Variants in NCOA7 observed in about 807,000 individuals in gnomAD.
NCOA7 encodes the protein nuclear receptor coactivator 7.
NCOA7 carries 45 observed loss-of-function variants against 104.3 expected under a neutral mutation model. That is an observed-to-expected ratio of 0.43 (90% confidence interval 0.34 to 0.55). The LOEUF is 0.55. Among genes scored for constraint, NCOA7 ranks in the 20% least tolerant of loss-of-function variants. NCOA7 has a pLI of 0.02. For missense variants in NCOA7, 1,041 were observed against 1,119.7 expected (o/e 0.93, Z 1.00); for synonymous variants, 398 against 402.3 (o/e 0.99, Z 0.13).
chr6:125,827,869 T>G (rs1778798719), intron 2 of NCOA7, among the ~76,000 whole-genome samples: 1 of 152,252 alleles, frequency 6.6e-6, no homozygotes, highest in Non-Finnish European at 1.5e-5. Flanking sequence ...AGGGCCTTCT[T>G]GGCCATGTTT....
At chr6:125,901,117 A>G (rs1192258312) in intron 10 of NCOA7, among the ~76,000 whole-genome samples, 1 of 152,198 alleles carries the variant, frequency 6.6e-6, no homozygotes, top group Non-Finnish European at 1.5e-5. Flanking sequence ...CTGCATGCAT[A>G]TGCGTTTCAG....
In NCOA7 at chr6:125,878,362, C is replaced by G; in HGVS notation, c.451C>G (p.Pro151Ala). Residue 151 changes from proline (P) to alanine (A), a missense_variant, in exon 5 of 16, where the codon CCA becomes GCA. Physicochemically the swap from Pro to Ala is conservative, Grantham distance 27. Coordinates refer to ENST00000392477, the MANE Select transcript of NCOA7 (RefSeq NM_181782.5). Reference protein sequence around the residue: ...LNKLFTHTIVPGQVLFVPDAN... With the variant: ...LNKLFTHTIVAGQVLFVPDAN... ...TAAACTTTTCACACATACTATTGTT[C>G]CAGGCCAGGTAATTATACTCTTACT... is the stretch of plus-strand genomic sequence containing the variant. 6.2e-7 allele frequency: 1 copy of G among 1,604,658 alleles called. No individual in the cohort carries two copies. The highest frequency in any genetic ancestry group is 2.2e-5 in the East Asian group (1 of 44,568).
rs1336467411 is a variant in NCOA7 at position 125,864,372 on chromosome 6, A to G, written c.271+9132A>G. Among the ~76,000 whole-genome samples, 2 of 138,028 alleles carry G rather than the reference A, an allele frequency of 1.4e-5. 1 individual carries two copies. Among genetic ancestry groups the G allele is most frequent in the African/African-American group, 6.1e-5 (2 of 33,036 alleles). The allele number at this position is 138,028 out of a possible 152,430, so 90.6% of individuals were successfully genotyped here. A position where few individuals can be genotyped will look rare whatever the true frequency, so the allele number is the denominator to read the frequency against. On this transcript the variant is annotated intron_variant, in intron 3 of 15. Transcript: ENST00000392477. ...TACATGCATATAAAAAGAGGTATAG[A>G]GAATTTCTAGAAGTGTATTCACCAG... is the stretch of plus-strand genomic sequence containing the variant.
At chr6:125,820,047 G>A (rs1583294271) in intron 2 of NCOA7, among the ~76,000 whole-genome samples, 1 of 152,258 alleles carries the variant, frequency 6.6e-6, no homozygotes, top group East Asian at 1.9e-4. Flanking sequence ...GTTCATGTAG[G>A]TCCCTTGTTG....
chr6:125,911,063 T>C (rs1786494989), intron 10 of NCOA7, among the ~76,000 whole-genome samples: 1 of 152,218 alleles, frequency 6.6e-6, no homozygotes, highest in Non-Finnish European at 1.5e-5. Context: ...ACCATCATTA[T>C]TGTATGGAGG....
intron 2 of NCOA7, among the ~76,000 whole-genome samples, chr6:125,843,262 A>T (rs958045089): frequency 6.6e-6 from 1 of 152,160 alleles, no homozygotes; most frequent in Non-Finnish European, 1.5e-5. Context: ...AAATGGAGGA[A>T]GGGGCTACCA....
At chr6:125,788,785 G>A (rs1315030332), upstream of NCOA7, among the ~76,000 whole-genome samples, 4 of 148,950 alleles carry the variant, frequency 2.7e-5, no homozygotes, top group Admixed American at 1.4e-4. Flanking sequence ...CTCGTGATCC[G>A]CCCGCCTCGG....
intron 1 of NCOA7, chr6:125,810,156 A>G (rs898147905): frequency 4.6e-5 from 7 of 152,080 alleles, no homozygotes; most frequent in Admixed American, 1.3e-4. Context: ...GTTAAGACAC[A>G]TGTACCTAGC....
chr6:125,827,043 C>A (rs1182423819), intron 2 of NCOA7, among the ~76,000 whole-genome samples: 1 of 151,894 alleles, frequency 6.6e-6, no homozygotes, highest in East Asian at 1.9e-4. Flanking sequence ...ACTAAAAATA[C>A]AAAATTAGCT....
chr6:125,797,824 G>A (rs1445857479), intron 1 of NCOA7: 2 of 152,076 alleles, frequency 1.3e-5, no homozygotes, highest in Non-Finnish European at 2.9e-5. Flanking sequence ...CTGTCTGTAG[G>A]GTCCCACTGA....
chr6:125,804,342 G>C (rs1583249286), intron 1 of NCOA7, among the ~76,000 whole-genome samples: 1 of 152,176 alleles, frequency 6.6e-6, no homozygotes, highest in East Asian at 1.9e-4. Context: ...GATCTGAAGT[G>C]ATCTTCTGGT....
chr6:125,917,322 A>G (rs1366663464), intron 11 of NCOA7, among the ~76,000 whole-genome samples: 1 of 151,864 alleles, frequency 6.6e-6, no homozygotes, highest in Non-Finnish European at 1.5e-5. Flanking sequence ...TGCTCCTCCT[A>G]CCTTTTCTGT....
At chr6:125,815,237 A>T in intron 1 of NCOA7, 54 bp from the exon 2 acceptor site, 1 of 632,956 alleles carries the variant, frequency 1.6e-6, no homozygotes, top group South Asian at 2.6e-5. Flanking sequence ...TATTTTTCAC[A>T]TTGGCCAGTG....
At chr6:125,782,161 A>G (rs1439047895) in intron 1 of NCOA7, among the ~76,000 whole-genome samples, 2 of 152,236 alleles carry the variant, frequency 1.3e-5, no homozygotes, top group Non-Finnish European at 2.9e-5. Context: ...TAAATAAAAT[A>G]TTAAACTTAA....
intron 1 of NCOA7, among the ~76,000 whole-genome samples, chr6:125,783,909 G>A (rs1274330186): frequency 1.3e-5 from 2 of 152,108 alleles, no homozygotes; most frequent in Non-Finnish European, 2.9e-5. Context: ...CAACTGCAGG[G>A]TAGGTATTCC....
Position 125,889,628 on chromosome 6 carries a change from A to G in NCOA7, c.1574A>G (p.Tyr525Cys), listed in dbSNP as rs1784487542. 1.2e-6 allele frequency: 2 copies of G among 1,613,956 alleles called. No individual in the cohort carries two copies. Among genetic ancestry groups the G allele is most frequent in the African/African-American group, 2.7e-5 (2 of 75,058 alleles). Reference protein sequence around the residue: ...EDLDKVKLIEYYLTKNKEGPQ... With the variant: ...EDLDKVKLIECYLTKNKEGPQ... The stretch of plus-strand genomic sequence containing the variant: ...TTAGATAAAGTTAAACTCATTGAAT[A>G]TTACCTGACTAAGAACAAAGAAGGG... Residue 525 changes from tyrosine (Y) to cysteine (C), a missense_variant, in exon 9 of 16, where the codon TAT (tyrosine) becomes TGT (cysteine). By Grantham distance (194) the Tyr-to-Cys change is radical. Transcript: ENST00000392477.
At chr6:125,846,420 A>G (rs1780624286) in intron 2 of NCOA7, among the ~76,000 whole-genome samples, 1 of 151,550 alleles carries the variant, frequency 6.6e-6, no homozygotes, top group South Asian at 2.1e-4. Flanking sequence ...CTTCTCCGCC[A>G]AGGGCAAACT....
intron 12 of NCOA7, 119 bp downstream of exon 12, chr6:125,921,187 ATC>A: frequency 2.4e-5 from 32 of 1,323,858 alleles, no homozygotes; most frequent in South Asian, 7.0e-5. Context: ...AGGCAGGCGG[ATC>A]ACTTGAGGTC....
At chr6:125,852,281 C>T (rs113304935) in intron 2 of NCOA7, among the ~76,000 whole-genome samples, 8 of 152,134 alleles carry the variant, frequency 5.3e-5, no homozygotes, top group African/African-American at 9.6e-5. Flanking sequence ...CTACAACCTC[C>T]GCCACCTGGG....
Sources: allele counts gnomAD v4.1 joint callset (sites outside exome capture counted in the v4.1 genomes callset), GRCh38; gene constraint gnomAD v4.1.1; transcripts MANE v1.5; gene names NCBI Gene and HGNC (gene_info 2026-07-23, HGNC 2026-07-21).